Variants in PDE4D observed in about 807,000 individuals in gnomAD.
PDE4D encodes phosphodiesterase 4D.
A neutral mutation model predicts 87.4 loss-of-function variants in PDE4D; 24 were observed. The ratio of observed to expected loss-of-function variants is 0.27; its 90% CI spans 0.20 to 0.39. PDE4D has a LOEUF of 0.39. Among genes scored for constraint, PDE4D ranks in the 10% least tolerant of loss-of-function variants. The probability of loss-of-function intolerance (pLI) is 1.00; values close to 1 mark genes in which losing one functional copy is unlikely to be tolerated. For synonymous variants in PDE4D, 384 were observed against 383.2 expected (o/e 1.00, Z -0.02); for missense variants, 714 against 1,041.0 (o/e 0.69, Z 4.32).
chr5:59,072,375 T>A (rs1412916655), intron 5 of PDE4D, among the ~76,000 whole-genome samples: 2 of 152,202 alleles, frequency 1.3e-5, no homozygotes, highest in Non-Finnish European at 2.9e-5. Context: ...GCAGCCTCTA[T>A]TCTAGCCACC....
intron 3 of PDE4D, 25 bp from the exon 4 acceptor site, chr5:59,185,287 A>G (rs779810328): frequency 2.5e-6 from 4 of 1,570,628 alleles, no homozygotes; most frequent in Non-Finnish European, 2.6e-6. Flanking sequence ...GATTCTTGAA[A>G]CTTCTTGAGC....
chr5:60,339,526 C>T (rs7733705), intron 1 of PDE4D, among the ~76,000 whole-genome samples: 33,243 of 152,034 alleles, frequency 0.22, 3,934 homozygotes, highest in South Asian at 0.4. Flanking sequence ...TCAATATTTT[C>T]GGACACGGTT....
chr5:59,876,735 A>G (rs1269661828), intron 1 of PDE4D, among the ~76,000 whole-genome samples: 1 of 152,184 alleles, frequency 6.6e-6, no homozygotes, highest in East Asian at 1.9e-4. Flanking sequence ...AACAATTGGG[A>G]TAGTGTATGT....
rs201826466 is a variant in PDE4D at position 60,418,445 on chromosome 5, GTAA to G, written c.-90+69494_-90+69496del. Among the ~76,000 whole-genome samples, 464 of 152,198 alleles carry G rather than the reference GTAA, an allele frequency of 3.0e-3. 3 individuals are homozygous for G. Among genetic ancestry groups the G allele is most frequent in the African/African-American group, 0.011 (453 of 41,526 alleles). ...AGGAAAATCAACCACAGCAACCACAGTAATAATAATAACTCTAATTTATATAAA... is the reference window on the plus strand; with the variant it reads ...AGGAAAATCAACCACAGCAACCACAGTAATAATAACTCTAATTTATATAAA... On this transcript the variant is annotated intron_variant, in intron 1 of 16. Transcript: ENST00000502484.
At chr5:59,640,250 A>C (rs1181288166) in intron 1 of PDE4D, among the ~76,000 whole-genome samples, 1 of 152,200 alleles carries the variant, frequency 6.6e-6, no homozygotes, top group African/African-American at 2.4e-5. Context: ...GGTTCTGAAA[A>C]GGTAAACAGT....
At chr5:59,466,095 T>C (rs1801551813) in intron 1 of PDE4D, among the ~76,000 whole-genome samples, 1 of 152,182 alleles carries the variant, frequency 6.6e-6, no homozygotes, top group African/African-American at 2.4e-5. Flanking sequence ...ATGCTGGCTC[T>C]AGAAATTATG....
chr5:60,152,346 T>C (rs1481275466), intron 2 of PDE4D, among the ~76,000 whole-genome samples: 1 of 152,168 alleles, frequency 6.6e-6, no homozygotes, highest in Admixed American at 6.5e-5. Context: ...CTTCTTTAAA[T>C]GTTTGGTAGA....
intron 1 of PDE4D, among the ~76,000 whole-genome samples, chr5:59,873,228 C>A (rs1231698117): frequency 1.3e-5 from 2 of 152,194 alleles, no homozygotes; most frequent in East Asian, 3.8e-4. Flanking sequence ...AGAGAACATT[C>A]TTCTAATTTT....
chr5:59,527,534 C>G (rs1400272142), intron 1 of PDE4D, among the ~76,000 whole-genome samples: 1 of 152,056 alleles, frequency 6.6e-6, no homozygotes, highest in African/African-American at 2.4e-5. Context: ...ATATTTCAAG[C>G]CTTCACTGCA....
At chr5:59,784,952 C>A (rs1442250705) in intron 1 of PDE4D, among the ~76,000 whole-genome samples, 1 of 152,140 alleles carries the variant, frequency 6.6e-6, no homozygotes, top group Non-Finnish European at 1.5e-5. Flanking sequence ...GTAAGACATG[C>A]CTTTTGCCTT....
At chr5:59,519,538 G>A (rs1236567207) in intron 1 of PDE4D, among the ~76,000 whole-genome samples, 1 of 152,200 alleles carries the variant, frequency 6.6e-6, no homozygotes, top group African/African-American at 2.4e-5. Context: ...AGTGAAGTCA[G>A]AGTGGAGAAG....
chr5:60,516,702 A>G (rs568499632), intron 1 of PDE4D, among the ~76,000 whole-genome samples: 1 of 152,356 alleles, frequency 6.6e-6, no homozygotes, highest in African/African-American at 2.4e-5. Context: ...TTGAGCTTCT[A>G]TGTTATGCCA....
rs1491206772 is a variant in PDE4D, at chr5:59,616,919, A to ATATATATATATATATATATATATATG, written c.455+276248_455+276249insCATATATATATATATATATATATATA. 3.5e-3 allele frequency among the ~76,000 whole-genome samples: 89 copies of ATATATATATATATATATATATATATG among 25,658 alleles called. 3 individuals are homozygous for ATATATATATATATATATATATATATG. Among genetic ancestry groups the ATATATATATATATATATATATATATG allele is most frequent in the Non-Finnish European group, 5.5e-3 (76 of 13,930 alleles). The allele number at this position is 25,658 out of a possible 152,430, so 16.8% of individuals were successfully genotyped here. On this transcript the variant is annotated intron_variant, in intron 1 of 14. Coordinates refer to ENST00000340635, the MANE Select transcript of PDE4D (RefSeq NM_001104631.2). ...TGTATTACTTAGACCTAATAATTAC[A>ATATATATATATATATATATATATATG]TATATATATATATATATATATATAT...
chr5:59,133,272 C>T (rs775233893), intron 5 of PDE4D, among the ~76,000 whole-genome samples: 11 of 152,080 alleles, frequency 7.2e-5, no homozygotes, highest in Admixed American at 1.3e-4. Context: ...AAATGGATGC[C>T]GATTCTATGG....
At chr5:59,904,001 C>T (rs1405247721) in intron 3 of PDE4D, among the ~76,000 whole-genome samples, 1 of 152,118 alleles carries the variant, frequency 6.6e-6, no homozygotes, top group African/African-American at 2.4e-5. Flanking sequence ...GTTTCCTCAT[C>T]TGTAAAATAA....
intron 1 of PDE4D, among the ~76,000 whole-genome samples, chr5:59,691,917 A>T (rs1026769220): frequency 1.6e-4 from 25 of 152,144 alleles, no homozygotes; most frequent in African/African-American, 6.0e-4. Context: ...AAAGAGGCAC[A>T]TTTATGGCCT....
intron 2 of PDE4D, among the ~76,000 whole-genome samples, chr5:60,153,892 T>C (rs987912851): frequency 4.6e-5 from 7 of 152,170 alleles, no homozygotes; most frequent in Non-Finnish European, 7.4e-5. Flanking sequence ...TAGATAAGTA[T>C]GAAGTTTCAG....
chr5:59,887,999 T>G (rs1750413622), intron 1 of PDE4D, among the ~76,000 whole-genome samples: 1 of 152,238 alleles, frequency 6.6e-6, no homozygotes, highest in Non-Finnish European at 1.5e-5. Context: ...GTTTGGGCAG[T>G]AAACTAGTTG....
At chr5:59,591,392 T>C (rs1825899405) in intron 1 of PDE4D, among the ~76,000 whole-genome samples, 1 of 152,182 alleles carries the variant, frequency 6.6e-6, no homozygotes, top group African/African-American at 2.4e-5. Flanking sequence ...TTTCCTAGAC[T>C]CTTTAGTCAC....
Sources: allele counts gnomAD v4.1 joint callset (sites outside exome capture counted in the v4.1 genomes callset), GRCh38; gene constraint gnomAD v4.1.1; transcripts MANE v1.5; gene names NCBI Gene and HGNC (gene_info 2026-07-23, HGNC 2026-07-21).